Variants in ZNF536 observed in about 807,000 individuals in gnomAD.
ZNF536 encodes zinc finger protein 536.
ZNF536 carries 13 observed loss-of-function variants against 84.5 expected under a neutral mutation model. The ratio of observed to expected loss-of-function variants is 0.15; its 90% CI spans 0.10 to 0.24. The LOEUF (loss-of-function observed/expected upper bound fraction) is 0.24, where lower values mean the gene tolerates loss of function less well. ZNF536 is among the 10% of genes least tolerant of loss of function. The pLI is 1.00. For missense variants in ZNF536, 1,536 were observed against 1,747.5 expected (o/e 0.88, Z 2.16); for synonymous variants, 811 against 742.5 (o/e 1.09, Z -1.50).
chr19:30,701,707 G>A (rs80043477), intron 1 of ZNF536, among the ~76,000 whole-genome samples: 2 of 152,298 alleles, frequency 1.3e-5, no homozygotes, highest in East Asian at 3.9e-4. Context: ...GTGGAGAGAC[G>A]AGCATTCTTT....
Position 30,503,636 on chromosome 19 carries a change from C to T in ZNF536, c.2171-31211C>T, listed in dbSNP as rs570385688. ...GAGAATTTGAGGAAGATAAGAGTGC[C>T]TCATCATCCCCTTGCAAAGTCAGCA... On this transcript the variant is annotated intron_variant, in intron 2 of 4. Coordinates refer to ENST00000355537, the MANE Select transcript of ZNF536 (RefSeq NM_014717.3). 2.6e-5 allele frequency among the ~76,000 whole-genome samples: 4 copies of T among 152,352 alleles called. No homozygotes were observed. In the South Asian group the frequency reaches 8.3e-4, roughly 32 times the overall value.
chr19:30,385,437 C>T (rs2049300465), intron 1 of ZNF536, among the ~76,000 whole-genome samples: 1 of 152,100 alleles, frequency 6.6e-6, no homozygotes, highest in Non-Finnish European at 1.5e-5. Flanking sequence ...TGGGTAACGA[C>T]CGTTACCCTG....
upstream of ZNF536, among the ~76,000 whole-genome samples, chr19:30,227,243 TG>T (rs2022663685): frequency 6.6e-6 from 1 of 152,154 alleles, no homozygotes; most frequent in African/African-American, 2.4e-5. Flanking sequence ...GGGCTTTCTT[TG>T]GGGACAGGTG....
In ZNF536 at chr19:30,432,639, C is replaced by A. The variant is rs191155746; in HGVS notation, c.-2-10922C>A. ...ACTCTTCTTTCTCATGCACGCGGAG[C>A]CCTCATCACCACAAGAGCTTTGACC... On this transcript the variant is annotated intron_variant, in intron 1 of 4. Transcript: ENST00000355537. 2.1e-3 allele frequency among the ~76,000 whole-genome samples: 326 copies of A among 152,266 alleles called. 3 individuals are homozygous for A. Among genetic ancestry groups the A allele is most frequent in the African/African-American group, 7.5e-3 (313 of 41,542 alleles).
intron 2 of ZNF536, among the ~76,000 whole-genome samples, chr19:30,470,526 C>G (rs564747755): frequency 6.7e-6 from 1 of 150,238 alleles, no homozygotes; most frequent in Admixed American, 6.6e-5. Context: ...TTCAGATTTA[C>G]AGAAACATTG....
At chr19:30,625,251 C>T (rs1025657258) in intron 1 of ZNF536, among the ~76,000 whole-genome samples, 3 of 152,106 alleles carry the variant, frequency 2.0e-5, no homozygotes, top group Non-Finnish European at 4.4e-5. Flanking sequence ...CCCACTCTGA[C>T]CTCACCCCCC....
intron 3 of ZNF536, among the ~76,000 whole-genome samples, chr19:30,362,034 CTGTA>C (rs1346109545): frequency 3.1e-4 from 4 of 13,008 alleles, no homozygotes; most frequent in Non-Finnish European, 9.5e-4. Context: ...GCTGGTCCTA[CTGTA>C]CTGCGGGTGT....
intron 1 of ZNF536, among the ~76,000 whole-genome samples, chr19:30,616,057 A>G (rs532006987): frequency 6.6e-6 from 1 of 152,222 alleles, no homozygotes; most frequent in Admixed American, 6.5e-5. Flanking sequence ...AAATTTTCCT[A>G]TTGTTTTTAA....
intron 1 of ZNF536, among the ~76,000 whole-genome samples, chr19:30,702,381 C>T (rs574820708): frequency 6.6e-6 from 1 of 152,108 alleles, no homozygotes; most frequent in East Asian, 1.9e-4. Flanking sequence ...GATGTACTTA[C>T]TTTTCGCATG....
chr19:30,668,398 C>T (rs2050414070), intron 1 of ZNF536, among the ~76,000 whole-genome samples: 1 of 152,126 alleles, frequency 6.6e-6, no homozygotes, highest in Admixed American at 6.5e-5. Context: ...CTGTCCCAGG[C>T]CAGGCTACAG....
At chr19:30,226,024 G>T (rs2022591347), upstream of ZNF536, among the ~76,000 whole-genome samples, 1 of 151,980 alleles carries the variant, frequency 6.6e-6, no homozygotes, top group African/African-American at 2.4e-5. This position sits in a 1 kb window ranked among gnomAD's most constrained non-coding sequence, Gnocchi z 4.6. Flanking sequence ...TCGGCGGCGA[G>T]CGGGACCTGC....
chr19:30,451,485 C>G (rs2052604992), intron 2 of ZNF536, among the ~76,000 whole-genome samples: 1 of 152,220 alleles, frequency 6.6e-6, no homozygotes, highest in South Asian at 2.1e-4. Flanking sequence ...GCCATAAATC[C>G]CGCTTCTCCG....
Position 30,641,895 on chromosome 19 carries a change from T to A in ZNF536, c.170-68862T>A, listed in dbSNP as rs574672275. 1.2e-4 allele frequency among the ~76,000 whole-genome samples: 19 copies of A among 152,152 alleles called. No homozygotes were observed. In the South Asian group the frequency reaches 4.0e-3, roughly 32 times the overall value. On this transcript the variant is annotated intron_variant, in intron 1 of 1. Transcript: ENST00000592773. Reference sequence around the variant, plus strand: ...AAGTCCTTGAAGGTGTTTGAGGGGTTGGTTGTGGATGGAAAAGCGACTCTG... The same window carrying A: ...AAGTCCTTGAAGGTGTTTGAGGGGTAGGTTGTGGATGGAAAAGCGACTCTG...
chr19:30,258,820 C>T (rs1008823441), intron 1 of ZNF536, among the ~76,000 whole-genome samples: 5 of 151,964 alleles, frequency 3.3e-5, no homozygotes, highest in South Asian at 2.1e-4. Context: ...TAGGTTCAAG[C>T]GATTCTCCTG....
At chr19:30,489,756 C>T (rs925858299) in intron 2 of ZNF536, among the ~76,000 whole-genome samples, 5 of 152,178 alleles carry the variant, frequency 3.3e-5, no homozygotes, top group African/African-American at 9.7e-5. Flanking sequence ...TACTGACAGT[C>T]GTCGTCAGGT....
intron 2 of ZNF536, among the ~76,000 whole-genome samples, chr19:30,516,265 C>T (rs1024176470): frequency 4.6e-5 from 7 of 152,138 alleles, no homozygotes; most frequent in Non-Finnish European, 8.8e-5. Flanking sequence ...ACCCAGGTGC[C>T]TCCTTTGCCG....
intron 1 of ZNF536, among the ~76,000 whole-genome samples, chr19:30,249,302 T>A (rs1348983321): frequency 2.0e-5 from 3 of 148,894 alleles, no homozygotes; most frequent in African/African-American, 7.5e-5. Flanking sequence ...ATGTTAGTAT[T>A]AGTCTTAGTA....
At chr19:30,420,102 T>C (rs1484634355) in intron 1 of ZNF536, among the ~76,000 whole-genome samples, 1 of 152,212 alleles carries the variant, frequency 6.6e-6, no homozygotes, top group Admixed American at 6.5e-5. Flanking sequence ...CCCAGGGATG[T>C]CACGGGGAAC....
At chr19:30,540,928 C>T (rs1222900468) in intron 3 of ZNF536, among the ~76,000 whole-genome samples, 2 of 152,252 alleles carry the variant, frequency 1.3e-5, no homozygotes, top group African/African-American at 4.8e-5. Context: ...GCCAGGCTTC[C>T]TTGGCCCCAC....
Sources: gnomAD v4.1 joint callset for allele counts (sites outside exome capture counted in the v4.1 genomes callset) on GRCh38, gnomAD v4.1.1 for gene constraint, Gnocchi (gnomAD v3.1) non-coding constraint, MANE v1.5 for transcripts, NCBI Gene and HGNC (gene_info 2026-07-23, HGNC 2026-07-21) for gene names.